The following LPA variants were observed in gnomAD, a reference collection of about 807,000 sequenced individuals.
LPA encodes lipoprotein(a).
Under a neutral mutation model 197.9 loss-of-function variants are expected in LPA, and 199 were observed. The observed-to-expected ratio is 1.01, with a 90% confidence interval of 0.90 to 1.13. LPA has a LOEUF of 1.13. Ranked by LOEUF, LPA falls within the 50% of genes most tolerant of loss-of-function variation. The pLI, the probability that LPA is intolerant of heterozygous loss-of-function variation, is 0.00. For missense variants in LPA, 1,853 were observed against 1,785.8 expected (o/e 1.04, Z -0.68); for synonymous variants, 715 against 639.5 (o/e 1.12, Z -1.78).
At chr6:160,564,602 G>GT (rs1778418110) in intron 28 of LPA, among the ~76,000 whole-genome samples, 1 of 152,154 alleles carries the variant, frequency 6.6e-6, no homozygotes, top group Non-Finnish European at 1.5e-5. Flanking sequence ...AAGATGGGTG[G>GT]TTTCTGCATT....
chr6:160,584,821 C>T (rs994588092), intron 26 of LPA, among the ~76,000 whole-genome samples: 10 of 152,134 alleles, frequency 6.6e-5, no homozygotes, highest in African/African-American at 2.2e-4. Context: ...GACTTCACCA[C>T]CTCCATATAT....
chr6:160,541,100 A>G lies in LPA; in HGVS notation c.5594+7T>C. 1 of 1,613,570 alleles carries G rather than the reference A, an allele frequency of 6.2e-7. No individual in the cohort carries two copies. Among genetic ancestry groups the G allele is most frequent in the Admixed American group, 1.7e-5 (1 of 60,010 alleles). ...AAGACCCCATGTCAGTTTTCCCTTA[A>G]ACGTACTTCTTCAAGCAGTGAGCAG... On this transcript the variant is annotated splice_region_variant and intron_variant, in intron 35 of 38. Transcript: ENST00000316300.
intron 16 of LPA, among the ~76,000 whole-genome samples, chr6:160,607,183 C>T (rs1316687308): frequency 6.6e-6 from 1 of 152,136 alleles, no homozygotes; most frequent in Non-Finnish European, 1.5e-5. Flanking sequence ...TCTATGTACT[C>T]AAAACCTCGC....
At chr6:160,575,533 G>T (rs2115028491) in intron 28 of LPA, among the ~76,000 whole-genome samples, 1 of 152,294 alleles carries the variant, frequency 6.6e-6, no homozygotes, top group Non-Finnish European at 1.5e-5. Flanking sequence ...AATTTATGTT[G>T]AGAGGATTTT....
chr6:160,606,647 A>G lies in LPA; in HGVS notation c.2615T>C (p.Met872Thr). ...PEYYPNAGLI[M>T]NYCRNPDPVA... Reference sequence around the variant, plus strand: ...AGGATCTGGATTCCTGCAGTAGTTCATGATCAAGCCACTGGAAATTCCAAA... The same window carrying G: ...AGGATCTGGATTCCTGCAGTAGTTCGTGATCAAGCCACTGGAAATTCCAAA... The change falls in exon 17 of 39, where the codon ATG becomes ACG. Residue 872 changes from methionine to threonine, a missense_variant. Physicochemically the swap from Met to Thr is moderately conservative, Grantham distance 81 (BLOSUM62 -1). This residue lies in a region of LPA where 1,737 missense variants were observed against 1,504.4 expected (regional missense o/e 1.15). Coordinates refer to ENST00000316300, the MANE Select transcript of LPA (RefSeq NM_005577.4). 6.2e-7 allele frequency: 1 copy of G among 1,614,030 alleles called. No homozygotes were observed. The highest frequency in any genetic ancestry group is 1.3e-5 in the African/African-American group (1 of 75,030).
chr6:160,662,727 T>C (rs1780247274), intron 1 of LPA, among the ~76,000 whole-genome samples: 1 of 152,236 alleles, frequency 6.6e-6, no homozygotes, highest in South Asian at 2.1e-4. Flanking sequence ...CTGTATTTTC[T>C]TTGATATTTT....
At chr6:160,595,004 A>T (rs1353920380) in intron 21 of LPA, among the ~76,000 whole-genome samples, 3 of 152,240 alleles carry the variant, frequency 2.0e-5, no homozygotes, top group Non-Finnish European at 2.9e-5. Flanking sequence ...AAGAAATACC[A>T]TGAAAGGCTT....
chr6:160,548,025 T>C, intron 31 of LPA, 88 bp from the exon 32 acceptor site: 1 of 1,402,800 alleles, frequency 7.1e-7, no homozygotes, highest in Non-Finnish European at 1.0e-6. Context: ...AATGCAGTCA[T>C]GTCAGGCTTC....
At chr6:160,551,188 A>G (rs1361665513) in intron 30 of LPA, among the ~76,000 whole-genome samples, 1 of 152,222 alleles carries the variant, frequency 6.6e-6, no homozygotes, top group African/African-American at 2.4e-5. Context: ...TCCTTGCTCT[A>G]CATCAGTGAC....
intron 28 of LPA, among the ~76,000 whole-genome samples, chr6:160,566,315 G>T (rs1562323899): frequency 6.6e-6 from 1 of 152,104 alleles, no homozygotes; most frequent in Non-Finnish European, 1.5e-5. Flanking sequence ...CTACAAGCCA[G>T]AAGAGAGTGG....
At chr6:160,602,838 T>C (rs1383890724) in intron 18 of LPA, among the ~76,000 whole-genome samples, 1 of 152,194 alleles carries the variant, frequency 6.6e-6, no homozygotes, top group Non-Finnish European at 1.5e-5. Flanking sequence ...GTTAACTGGG[T>C]TCCAGTGTTT....
intron 1 of LPA, among the ~76,000 whole-genome samples, chr6:160,654,666 A>T (rs1365157832): frequency 6.6e-6 from 1 of 152,216 alleles, no homozygotes; most frequent in African/African-American, 2.4e-5. Flanking sequence ...AAGTTATTAC[A>T]TAAGGTTAAC....
chr6:160,662,693 C>A (rs967800755), intron 1 of LPA, among the ~76,000 whole-genome samples: 1 of 152,204 alleles, frequency 6.6e-6, no homozygotes, highest in Non-Finnish European at 1.5e-5. Flanking sequence ...CCCCAAAAAA[C>A]TCTTTGCTTA....
At chr6:160,538,049 G>T in intron 36 of LPA, 88 bp from the exon 37 acceptor site, 1 of 1,050,062 alleles carries the variant, frequency 9.5e-7, no homozygotes, top group Non-Finnish European at 1.5e-6. Flanking sequence ...TGAAGCCCCA[G>T]AGCCCTCTGA....
intron 31 of LPA, 140 bp downstream of exon 31, chr6:160,548,338 G>T: frequency 1.2e-6 from 1 of 865,892 alleles, no homozygotes; most frequent in Non-Finnish European, 1.8e-6. Context: ...CCTTGGTCAT[G>T]GCAGAACCTC....
At chr6:160,584,170 TTTCTTCTTC>T (rs56164694) in intron 26 of LPA, among the ~76,000 whole-genome samples, 7,691 of 103,004 alleles carry the variant, frequency 0.075, 455 homozygotes, top group Middle Eastern at 0.11. Context: ...TCATTTCTAT[TTTCTTCTTC>T]TTCTTCTTCT....
chr6:160,650,221 G>T (rs1458378529), intron 2 of LPA, 117 bp downstream of exon 2: 9 of 930,252 alleles, frequency 9.7e-6, no homozygotes, highest in East Asian at 4.9e-5. Context: ...CAGACATTTT[G>T]CCATGCATTC....
chr6:160,601,392 G>A (rs1189542173), intron 18 of LPA, among the ~76,000 whole-genome samples: 1 of 152,066 alleles, frequency 6.6e-6, no homozygotes, highest in Non-Finnish European at 1.5e-5. Context: ...TCCTCCTTCT[G>A]CCTTCTGCCC....
intron 22 of LPA, 36 bp downstream of exon 22, chr6:160,593,922 C>A (rs1420005221): frequency 1.2e-6 from 2 of 1,611,220 alleles, no homozygotes; most frequent in East Asian, 4.5e-5. Flanking sequence ...TGTAAGGGGG[C>A]TGCTGTCTGT....
Sources: allele counts gnomAD v4.1 joint callset (sites outside exome capture counted in the v4.1 genomes callset), GRCh38; gene constraint gnomAD v4.1.1; regional missense constraint gnomAD v4.1.1; transcripts MANE v1.5; gene names NCBI Gene and HGNC (gene_info 2026-07-23, HGNC 2026-07-21).